Variants in NDRG3 observed in about 807,000 individuals in gnomAD.
NDRG3 encodes the protein NDRG family member 3, also known as protein NDRG3.
In NDRG3, 23 loss-of-function variants were observed where a neutral mutation model predicts 57.2. The observed-to-expected ratio is 0.40, with a 90% CI of 0.29 to 0.57. The LOEUF (loss-of-function observed/expected upper bound fraction) is 0.57. Among genes scored for constraint, NDRG3 ranks in the 20% least tolerant of loss-of-function variants. The pLI, the probability that NDRG3 is intolerant of heterozygous loss-of-function variation, is 0.42. For synonymous variants in NDRG3, 132 were observed against 162.6 expected (o/e 0.81, Z 1.43); for missense variants, 384 against 457.3 (o/e 0.84, Z 1.46).
At chr20:36,684,684 T>C (rs1981629018) in intron 5 of NDRG3, among the ~76,000 whole-genome samples, 1 of 152,118 alleles carries the variant, frequency 6.6e-6, no homozygotes, top group South Asian at 2.1e-4. Context: ...ACCTCATCTC[T>C]ACTAAAAATA....
chr20:36,685,627 T>C (rs1981716983), intron 5 of NDRG3, among the ~76,000 whole-genome samples: 1 of 152,176 alleles, frequency 6.6e-6, no homozygotes, highest in African/African-American at 2.4e-5. Flanking sequence ...TTTTATTGTA[T>C]TTGAATTTGG....
chr20:36,674,404 T>C (rs1980464255), intron 8 of NDRG3, among the ~76,000 whole-genome samples: 2 of 151,736 alleles, frequency 1.3e-5, no homozygotes, highest in Admixed American at 6.6e-5. Context: ...GGTTTCTCCA[T>C]GTTGGTCAGG....
intron 9 of NDRG3, among the ~76,000 whole-genome samples, chr20:36,668,887 A>G (rs1979875736): frequency 6.6e-6 from 1 of 151,780 alleles, no homozygotes; most frequent in Admixed American, 6.6e-5. Context: ...CTTTTCAGAA[A>G]TTATTAAATA....
At chr20:36,666,446 A>G in intron 9 of NDRG3, 54 bp from the exon 10 acceptor site, 2 of 1,369,978 alleles carry the variant, frequency 1.5e-6, no homozygotes, top group Non-Finnish European at 2.1e-6. Flanking sequence ...GAATAAGTCC[A>G]TCTTGTTTGG....
intron 9 of NDRG3, among the ~76,000 whole-genome samples, chr20:36,667,899 TGA>T (rs1215204709): frequency 6.6e-6 from 1 of 152,178 alleles, no homozygotes; most frequent in Non-Finnish European, 1.5e-5. Flanking sequence ...GAAAACTTTG[TGA>T]GAGTCCCAGT....
intron 4 of NDRG3, 92 bp downstream of exon 4, chr20:36,688,587 C>T (rs1763966278): frequency 3.2e-6 from 3 of 940,332 alleles, no homozygotes; most frequent in African/African-American, 3.2e-5. Context: ...GAGGGGGAAA[C>T]CTCTGCTCTA....
intron 3 of NDRG3, chr20:36,700,290 A>G (rs544387735): frequency 5.3e-5 from 14 of 264,228 alleles, no homozygotes; most frequent in African/African-American, 2.8e-4. Flanking sequence ...TGTAACAACA[A>G]AAGTATCCAA....
At chr20:36,715,528 A>C (rs573895234) in intron 2 of NDRG3, among the ~76,000 whole-genome samples, 34 of 150,652 alleles carry the variant, frequency 2.3e-4, no homozygotes, top group African/African-American at 8.1e-4. Context: ...TTTTTTAAAC[A>C]ACCTTGGAGC....
intron 9 of NDRG3, among the ~76,000 whole-genome samples, chr20:36,668,830 G>A (rs149110469): frequency 6.6e-6 from 1 of 151,270 alleles, no homozygotes; most frequent in African/African-American, 2.4e-5. Context: ...TATAGCGAGA[G>A]AAATATATAT....
At chr20:36,671,239 A>G in intron 9 of NDRG3, 102 bp downstream of exon 9, 1 of 926,716 alleles carries the variant, frequency 1.1e-6, no homozygotes, top group Non-Finnish European at 1.7e-6. Flanking sequence ...GTTACTTGCT[A>G]GGATCAGGTA....
At chr20:36,679,582 G>GA (rs1488033386) in intron 8 of NDRG3, among the ~76,000 whole-genome samples, 1 of 151,454 alleles carries the variant, frequency 6.6e-6, no homozygotes, top group Non-Finnish European at 1.5e-5. Flanking sequence ...CAGCTCACTG[G>GA]AATCTCCACC....
At chr20:36,685,345 C>G (rs1981690742) in intron 5 of NDRG3, among the ~76,000 whole-genome samples, 1 of 151,796 alleles carries the variant, frequency 6.6e-6, no homozygotes, top group African/African-American at 2.4e-5. Context: ...TGGTCTCACT[C>G]TGTCACCCAG....
intron 13 of NDRG3, among the ~76,000 whole-genome samples, chr20:36,657,485 GAAA>G (rs757285386): frequency 2.3e-5 from 3 of 130,022 alleles, no homozygotes. Context: ...CCGTCTCCAG[GAAA>G]AAAAAAAAAA....
chr20:36,684,603 A>C (rs1981621149), intron 5 of NDRG3, 128 bp from the exon 6 acceptor site: 1 of 750,910 alleles, frequency 1.3e-6, no homozygotes, highest in African/African-American at 1.7e-5. Flanking sequence ...TAATCCCAGC[A>C]CTTTGGGACA....
chr20:36,719,318 T>A (rs1194774460), intron 2 of NDRG3, among the ~76,000 whole-genome samples: 1 of 151,340 alleles, frequency 6.6e-6, no homozygotes, highest in Non-Finnish European at 1.5e-5. Flanking sequence ...TCCCAGCTAC[T>A]TGGGAGGCTG....
Position 36,742,895 on chromosome 20 carries a change from A to C in NDRG3, c.-49+3150T>G, listed in dbSNP as rs547537404. Among the ~76,000 whole-genome samples, 192 of 152,338 alleles carry C rather than the reference A, an allele frequency of 1.3e-3. 2 individuals are homozygous for C. Among genetic ancestry groups the C allele is most frequent in the South Asian group, 3.1e-3 (15 of 4,830 alleles). ...CTCTTTAAGAACCTTCATTTAAATA[A>C]AGAATCTATGCACATATCTGCTGCC... is the stretch of plus-strand genomic sequence containing the variant. On this transcript the variant is annotated intron_variant, in intron 1 of 15. Transcript: ENST00000349004.
At chr20:36,729,466 G>C (rs1055921841) in intron 1 of NDRG3, among the ~76,000 whole-genome samples, 8 of 152,150 alleles carry the variant, frequency 5.3e-5, no homozygotes, top group African/African-American at 1.9e-4. Context: ...CCTCATCACT[G>C]AGGAGAGATG....
At chr20:36,696,029 T>C (rs1267217117) in intron 3 of NDRG3, among the ~76,000 whole-genome samples, 1 of 152,210 alleles carries the variant, frequency 6.6e-6, no homozygotes, top group Non-Finnish European at 1.5e-5. Context: ...CAGCCAACAC[T>C]TAGGGAAAAT....
At position 36,693,851 on chromosome 20, in the gene NDRG3, T is replaced by A. The variant is rs192450685; in HGVS notation, c.94-5067A>T. 1.8e-4 allele frequency among the ~76,000 whole-genome samples: 27 copies of A among 151,972 alleles called. No individual in the cohort carries two copies. In the East Asian group the frequency reaches 4.8e-3, roughly 27 times the overall value. On this transcript the variant is annotated intron_variant, in intron 3 of 15. Coordinates refer to ENST00000349004, the MANE Select transcript of NDRG3 (RefSeq NM_032013.4). ...TATGGTGAGTTGCACGATTATTTCA[T>A]TATATATTACAATGTAATAATAGAA...
Sources: allele counts gnomAD v4.1 joint callset (sites outside exome capture counted in the v4.1 genomes callset), GRCh38; gene constraint gnomAD v4.1.1; transcripts MANE v1.5; gene names NCBI Gene and HGNC (gene_info 2026-07-23, HGNC 2026-07-21).